TRPM3: variants seen among roughly 807,000 people sequenced by gnomAD.
The protein encoded by TRPM3 is transient receptor potential cation channel subfamily M member 3, also known as long transient receptor potential channel 3.
A neutral mutation model predicts 181.2 loss-of-function variants in TRPM3; 77 were observed. That is an observed-to-expected ratio of 0.42 (90% CI 0.35 to 0.51). The LOEUF (loss-of-function observed/expected upper bound fraction) is 0.51, where lower values mean the gene tolerates loss of function less well. TRPM3 is among the 20% of genes least tolerant of loss of function. The pLI is 0.01. For synonymous variants in TRPM3, 745 were observed against 796.4 expected (o/e 0.94, Z 1.09); for missense variants, 1,759 against 2,196.7 (o/e 0.80, Z 3.98).
At chr9:70,538,194 C>G (rs2042267265) in intron 25 of TRPM3, among the ~76,000 whole-genome samples, 1 of 152,228 alleles carries the variant, frequency 6.6e-6, no homozygotes, top group Non-Finnish European at 1.5e-5. Flanking sequence ...CTCTCTCTGT[C>G]TCTCCCTCTC....
chr9:71,107,455 G>A (rs2069941736), intron 1 of TRPM3, among the ~76,000 whole-genome samples: 1 of 152,122 alleles, frequency 6.6e-6, no homozygotes, highest in Admixed American at 6.5e-5. Flanking sequence ...GTGAAAACAT[G>A]TATCAAGTTA....
In TRPM3 at chr9:70,677,692, T is replaced by C. The variant is rs1008970502; in HGVS notation, c.1345+3814A>G. Among the ~76,000 whole-genome samples the C allele has an allele frequency of 2.0e-5, 3 of 152,268 alleles. No individual in the cohort carries two copies. In the South Asian group the frequency reaches 6.2e-4, roughly 31 times the overall value. On this transcript the variant is annotated intron_variant, in intron 9 of 25. Coordinates refer to ENST00000677713, the MANE Select transcript of TRPM3 (RefSeq NM_001366145.2). ...GCATAAAAATGAAAAGTTTTCTGTGTATCTTCAGATCTTCATTCTGAAGGC... is the reference window on the plus strand; with the variant it reads ...GCATAAAAATGAAAAGTTTTCTGTGCATCTTCAGATCTTCATTCTGAAGGC...
At chr9:71,096,599 CTCTCTCTCTCTCTCT>C (rs2067306607) in intron 1 of TRPM3, among the ~76,000 whole-genome samples, 1 of 141,554 alleles carries the variant, frequency 7.1e-6, no homozygotes, top group Non-Finnish European at 1.6e-5. Context: ...CACTCTCTCT[CTCTCTCTCTCTCTCT>C]CTCTCTCTCT....
intron 6 of TRPM3, among the ~76,000 whole-genome samples, chr9:70,796,865 A>G (rs547989583): frequency 6.6e-6 from 1 of 152,348 alleles, no homozygotes; most frequent in Non-Finnish European, 1.5e-5. Flanking sequence ...ATGGTGGCTC[A>G]TGCCTGTAAT....
rs376847627 is a variant in TRPM3 at position 70,932,443 on chromosome 9, A to G, written c.178-67932T>C. On this transcript the variant is annotated intron_variant, in intron 1 of 25. Coordinates refer to ENST00000677713, the MANE Select transcript of TRPM3 (RefSeq NM_001366145.2). ...ACAAAAACAGCCACATTCCCTGCTT[A>G]CTTTGGAGCTTAAGATCTCATGATG... is the stretch of plus-strand genomic sequence containing the variant. 1.4e-4 allele frequency among the ~76,000 whole-genome samples: 21 copies of G among 152,300 alleles called. No homozygotes were observed. In the South Asian group the frequency reaches 2.7e-3, roughly 20 times the overall value.
intron 8 of TRPM3, among the ~76,000 whole-genome samples, chr9:70,745,071 A>T (rs568889998): frequency 2.6e-4 from 40 of 152,342 alleles, no homozygotes; most frequent in Middle Eastern, 6.8e-3. Flanking sequence ...TGCTAAACAT[A>T]AAGTGCTATA....
intron 10 of TRPM3, among the ~76,000 whole-genome samples, chr9:70,639,752 A>G (rs1022345347): frequency 6.6e-6 from 1 of 152,202 alleles, no homozygotes; most frequent in Non-Finnish European, 1.5e-5. Context: ...GGATTTGCCA[A>G]TAGCTTAGAT....
At chr9:71,052,821 T>C (rs978615684) in intron 1 of TRPM3, among the ~76,000 whole-genome samples, 31 of 151,988 alleles carry the variant, frequency 2.0e-4, no homozygotes, top group African/African-American at 7.5e-4. Context: ...AAAGCGTATC[T>C]CACTTTCACC....
chr9:70,659,285 T>C (rs1480503422), intron 9 of TRPM3, among the ~76,000 whole-genome samples: 2 of 152,074 alleles, frequency 1.3e-5, no homozygotes, highest in African/African-American at 4.8e-5. Context: ...TACACAGTCC[T>C]TGTACAGGGT....
At chr9:71,100,556 A>T (rs1259999305) in intron 1 of TRPM3, among the ~76,000 whole-genome samples, 2 of 152,180 alleles carry the variant, frequency 1.3e-5, no homozygotes, top group Non-Finnish European at 2.9e-5. Flanking sequence ...TATACAAAGT[A>T]ATATAAGTAA....
At chr9:71,088,380 GC>G (rs1418826845) in intron 1 of TRPM3, among the ~76,000 whole-genome samples, 3 of 152,120 alleles carry the variant, frequency 2.0e-5, no homozygotes, top group Non-Finnish European at 2.9e-5. Context: ...ATACCTGGAA[GC>G]CTGAATTAGC....
At chr9:70,629,214 C>CGGGGGGCGGGG (rs749123989) in intron 12 of TRPM3, among the ~76,000 whole-genome samples, 1 of 19,694 alleles carries the variant, frequency 5.1e-5, no homozygotes, top group African/African-American at 1.4e-4. Flanking sequence ...GTGACCAGTG[C>CGGGGGGCGGGG]CGGGGGGGGG....
rs2446812 is a variant in TRPM3, at chr9:71,411,354, A to C, written c.183+35299T>G. 6.0e-4 allele frequency among the ~76,000 whole-genome samples: 91 copies of C among 152,268 alleles called. 1 individual carries two copies. The East Asian group carries it at 0.011, about 18-fold the overall frequency. ...GACATGATTGTATATCTAGAAAACC[A>C]CATCGTCTCAGCCCAAAATCTCCTT... On this transcript the variant is annotated intron_variant, in intron 1 of 24. Transcript: ENST00000357533.
Position 70,603,329 on chromosome 9 carries a change from T to C in TRPM3, c.2796+13A>G. On this transcript the variant is annotated intron_variant, in intron 20 of 25. Coordinates refer to ENST00000677713, the MANE Select transcript of TRPM3 (RefSeq NM_001366145.2). ...TGTCTTTCTCTTACGTTTTCTTTTA[T>C]AAAAGCCGTTACCTCTCTCATCTTT... 1.9e-6 allele frequency: 3 copies of C among 1,609,348 alleles called. No homozygotes were observed. Among genetic ancestry groups the C allele is most frequent in the Admixed American group, 3.4e-5 (2 of 59,182 alleles).
intron 6 of TRPM3, among the ~76,000 whole-genome samples, chr9:70,803,175 G>A (rs900572068): frequency 6.6e-5 from 10 of 151,968 alleles, no homozygotes; most frequent in Admixed American, 2.6e-4. Flanking sequence ...CCTTGGATGG[G>A]GGGCAAGAAG....
rs1389725526 is a variant in TRPM3 at position 71,165,304 on chromosome 9, AGTAAGC to A, written c.183+281343_183+281348del. 4.7e-4 allele frequency among the ~76,000 whole-genome samples: 71 copies of A among 152,326 alleles called. No individual in the cohort carries two copies. The East Asian group carries it at 0.013, about 28-fold the overall frequency. ...TTAGAACAGTGCCTGGTCTATAGATAGTAAGCATCACTGAAGTGTTTGCTTATTATT... is the reference window on the plus strand; with the variant it reads ...TTAGAACAGTGCCTGGTCTATAGATAATCACTGAAGTGTTTGCTTATTATT... On this transcript the variant is annotated intron_variant, in intron 1 of 24. Transcript: ENST00000357533.
At chr9:70,801,092 A>G (rs1006572627) in intron 6 of TRPM3, among the ~76,000 whole-genome samples, 1 of 152,226 alleles carries the variant, frequency 6.6e-6, no homozygotes, top group African/African-American at 2.4e-5. Flanking sequence ...TTGCAAGTGA[A>G]GGGGTCATTA....
chr9:71,201,717 A>G (rs2078806617), intron 1 of TRPM3, among the ~76,000 whole-genome samples: 1 of 151,966 alleles, frequency 6.6e-6, no homozygotes, highest in South Asian at 2.1e-4. Flanking sequence ...CTTGGCTTTC[A>G]GCTCCATCAG....
chr9:71,251,705 T>C (rs2082351886), intron 1 of TRPM3, among the ~76,000 whole-genome samples: 1 of 152,208 alleles, frequency 6.6e-6, no homozygotes, highest in African/African-American at 2.4e-5. Flanking sequence ...ATCCTTTTTG[T>C]TACAAACAAT....
Sources: gnomAD v4.1 joint callset for allele counts (sites outside exome capture counted in the v4.1 genomes callset) on GRCh38, gnomAD v4.1.1 for gene constraint, MANE v1.5 for transcripts, NCBI Gene and HGNC (gene_info 2026-07-23, HGNC 2026-07-21) for gene names.